Variants in GALC observed in about 807,000 individuals in gnomAD.
GALC encodes the protein galactosylceramidase, also known as galactocerebrosidase.
Under a neutral mutation model 91.8 loss-of-function variants are expected in GALC, and 77 were observed. That is an observed-to-expected ratio of 0.84 (90% CI 0.70 to 1.01). GALC has a LOEUF of 1.01. GALC is among the 50% of genes least tolerant of loss of function. The probability of loss-of-function intolerance (pLI) is 0.00; values close to 1 mark genes in which losing one functional copy is unlikely to be tolerated. For missense variants in GALC, 882 were observed against 855.9 expected (o/e 1.03, Z -0.38); for synonymous variants, 357 against 306.7 (o/e 1.16, Z -1.71).
intron 3 of GALC, chr14:87,987,015 G>T (rs998565556): frequency 2.2e-6 from 1 of 454,302 alleles, no homozygotes; most frequent in African/African-American, 2.0e-5. Flanking sequence ...CTGGACTCGT[G>T]AGCCCTGTTC....
chr14:87,953,406 C>G, intron 10 of GALC: 1 of 1,458,430 alleles, frequency 6.9e-7, no homozygotes, highest in Non-Finnish European at 9.6e-7. Context: ...GTGGACAAAA[C>G]CAAGCATATT....
chr14:87,971,705 A>G (rs1190788904), intron 7 of GALC, among the ~76,000 whole-genome samples: 2 of 152,240 alleles, frequency 1.3e-5, no homozygotes, highest in Non-Finnish European at 2.9e-5. Context: ...AACCCAGTGT[A>G]TATTTTATAC....
intron 1 of GALC, chr14:87,992,685 CACT>C: frequency 7.0e-7 from 1 of 1,437,854 alleles, no homozygotes; most frequent in Non-Finnish European, 9.1e-7. Flanking sequence ...CCGGCTACTT[CACT>C]ACTTAGACCT....
In GALC at chr14:87,941,513, G is replaced by T. The variant is rs962346415; in HGVS notation, c.1716C>A (p.Asp572Glu). Residue 572 changes from aspartate to glutamate, a missense_variant, in exon 15 of 17, where the codon GAC becomes GAA. Physicochemically the swap from Asp to Glu is conservative, Grantham distance 45. Coordinates refer to ENST00000261304, the MANE Select transcript of GALC (RefSeq NM_000153.4). ...IKCDVYIETP[D>E]TGGVFIAGRV... ...TTCCTGCAATGAACACACCTCCTGTGTCAGGGGTCTCTATGTATACATCAC... is the reference window on the plus strand; with the variant it reads ...TTCCTGCAATGAACACACCTCCTGTTTCAGGGGTCTCTATGTATACATCAC... 1 of 1,595,866 alleles carries T rather than the reference G, an allele frequency of 6.3e-7. No individual in the cohort carries two copies. The highest frequency in any genetic ancestry group is 8.6e-7 in the Non-Finnish European group (1 of 1,163,856).
intron 5 of GALC, among the ~76,000 whole-genome samples, chr14:87,982,931 C>G (rs775896131): frequency 1.3e-5 from 2 of 152,158 alleles, no homozygotes; most frequent in Non-Finnish European, 2.9e-5. Context: ...CATTTGTTAT[C>G]ATGAGTCTAA....
At chr14:87,989,144 C>T (rs74577205) in intron 1 of GALC, among the ~76,000 whole-genome samples, 17,206 of 152,190 alleles carry the variant, frequency 0.11, 1,144 homozygotes, top group Non-Finnish European at 0.16. Flanking sequence ...AAACCAGTAA[C>T]TGACCCATAA....
At chr14:87,978,341 C>T (rs1438884464) in intron 6 of GALC, among the ~76,000 whole-genome samples, 1 of 152,210 alleles carries the variant, frequency 6.6e-6, no homozygotes, top group Non-Finnish European at 1.5e-5. Flanking sequence ...TGAGCCACTC[C>T]ACCCGGCCTC....
chr14:87,943,419 G>A (rs1361977641), intron 14 of GALC, among the ~76,000 whole-genome samples: 1 of 152,024 alleles, frequency 6.6e-6, no homozygotes, highest in Non-Finnish European at 1.5e-5. Flanking sequence ...TCTAAAAACT[G>A]TGAGTAGTGT....
At chr14:87,936,741 G>A (rs1391403222) in intron 16 of GALC, among the ~76,000 whole-genome samples, 2 of 151,286 alleles carry the variant, frequency 1.3e-5, no homozygotes, top group Non-Finnish European at 2.9e-5. Context: ...CCATTTTGCA[G>A]ATAAGGAAAT....
chr14:87,992,429 C>G (rs1887241667), intron 1 of GALC: 3 of 1,535,178 alleles, frequency 2.0e-6, no homozygotes, highest in East Asian at 4.9e-5. Context: ...AAATCCTATT[C>G]GGCGCTACCC....
intron 12 of GALC, 83 bp from the exon 13 acceptor site, chr14:87,947,961 T>G (rs935163097): frequency 7.5e-5 from 96 of 1,285,250 alleles, no homozygotes; most frequent in Admixed American, 1.3e-4. Context: ...AAAAATTAGC[T>G]TAAAGAAAAG....
rs746020587 is a variant in GALC at position 87,947,889 on chromosome 14, A to AGACACTACTGTATTCAG, written c.1339-28_1339-12dup. On this transcript the variant is annotated splice_polypyrimidine_tract_variant and intron_variant, in intron 12 of 16. Coordinates refer to ENST00000261304, the MANE Select transcript of GALC (RefSeq NM_000153.4). ...ATCGCTGTCAAGGAGCTGAAAAAGAAGACACTACTGTATTCAGGACCAGGT... is the reference window on the plus strand; with the variant it reads ...ATCGCTGTCAAGGAGCTGAAAAAGAAGACACTACTGTATTCAGGACACTACTGTATTCAGGACCAGGT... 13 of 1,610,978 alleles carry AGACACTACTGTATTCAG rather than the reference A, an allele frequency of 8.1e-6. No individual in the cohort carries two copies. The African/African-American group carries it at 1.7e-4, about 22-fold the overall frequency.
chr14:87,935,105 G>A (rs1361711795), intron 16 of GALC, among the ~76,000 whole-genome samples: 1 of 151,938 alleles, frequency 6.6e-6, no homozygotes, highest in Non-Finnish European at 1.5e-5. Context: ...CAAAGTACAA[G>A]GAATACCTCA....
Position 87,949,864 on chromosome 14 carries a change from T to C in GALC, c.1319A>G (p.Lys440Arg). ...AATTACCCATAGAGAATCCAGCTGC[T>C]TAAAAAGAAATCTTTCGGATGTTTT... is the stretch of plus-strand genomic sequence containing the variant. Reference protein sequence around the residue: ...LGKTSERFLFKQLDSLWLLDS... With the variant: ...LGKTSERFLFRQLDSLWLLDS... Residue 440 changes from lysine (K) to arginine (R), a missense_variant, in exon 12 of 17, where the codon AAG becomes AGG. Physicochemically the swap from Lys to Arg is conservative, Grantham distance 26. Transcript: ENST00000261304. 6.3e-7 allele frequency: 1 copy of C among 1,586,202 alleles called. No individual in the cohort carries two copies. Among genetic ancestry groups the C allele is most frequent in the Non-Finnish European group, 8.7e-7 (1 of 1,155,508 alleles).
At chr14:87,939,028 G>A (rs1413297017) in intron 16 of GALC, among the ~76,000 whole-genome samples, 3 of 151,942 alleles carry the variant, frequency 2.0e-5, no homozygotes, top group South Asian at 2.1e-4. Context: ...AACATTAGAT[G>A]TGCAAGCTCC....
chr14:87,965,599 G>T lies in GALC; in HGVS notation c.939C>A (p.Tyr313Ter). Reference sequence around the variant, plus strand: ...ATCTCCCATAAGGCAACTGTTCATAGTAACTAGCCACTAAATTCCATGCGA... The same window carrying T: ...ATCTCCCATAAGGCAACTGTTCATATTAACTAGCCACTAAATTCCATGCGA... ...STIAWNLVASYYEQLPYGRCG... is the reference protein window; with the variant it reads ...STIAWNLVAS Residue 313 changes from tyrosine (Y) to a stop codon, truncating the protein, a stop_gained, in exon 9 of 17, where the codon TAC becomes TAA. Transcript: ENST00000261304. LOFTEE classifies it high-confidence loss of function. 6.2e-7 allele frequency: 1 copy of T among 1,613,234 alleles called. No individual in the cohort carries two copies. The highest frequency in any genetic ancestry group is 8.5e-7 in the Non-Finnish European group (1 of 1,179,498).
intron 10 of GALC, among the ~76,000 whole-genome samples, chr14:87,963,039 G>A (rs1177549955): frequency 6.6e-6 from 1 of 152,028 alleles, no homozygotes; most frequent in African/African-American, 2.4e-5. Context: ...AAAACAACCT[G>A]AGGATGAAAA....
intron 10 of GALC, chr14:87,954,437 C>A: frequency 6.3e-7 from 1 of 1,591,224 alleles, no homozygotes; most frequent in African/African-American, 1.3e-5. Flanking sequence ...CCCTCAACTG[C>A]AAAGGAAAAA....
At position 87,993,024 on chromosome 14, in the gene GALC, G is replaced by A. The variant is rs1348249713; in HGVS notation, c.141C>T (p.Asp47=). The change falls in exon 1 of 17, where the codon GAC becomes GAT. Residue 47 remains aspartate (D), a synonymous_variant. Transcript: ENST00000261304. The part of the protein sequence containing the change: ...LAPGGAYVLD[D]SDGLGREFDG... ...CGAACTCCCGGCCCAGCCCGTCGGA[G>A]TCGTCGAGCACGTACGCGCCGCCGG... The A allele has an allele frequency of 4.5e-6, 7 of 1,549,682 alleles. No individual in the cohort carries two copies. The Admixed American group carries it at 5.7e-5, about 13-fold the overall frequency.
Sources: allele counts gnomAD v4.1 joint callset (sites outside exome capture counted in the v4.1 genomes callset), GRCh38; gene constraint gnomAD v4.1.1; transcripts MANE v1.5; gene names NCBI Gene and HGNC (gene_info 2026-07-23, HGNC 2026-07-21).